Variants in CDC45 observed in about 807,000 individuals in gnomAD.
CDC45 encodes the protein cell division control protein 45 homolog.
A neutral mutation model predicts 77.8 loss-of-function variants in CDC45; 54 were observed. The observed-to-expected ratio is 0.69, with a 90% CI of 0.56 to 0.87. The LOEUF is 0.87. Among genes scored for constraint, CDC45 ranks in the 40% least tolerant of loss-of-function variants. The pLI is 0.00. For missense variants in CDC45, 649 were observed against 721.6 expected (o/e 0.90, Z 1.15); for synonymous variants, 260 against 272.1 (o/e 0.96, Z 0.44).
chr22:19,480,281 G>C, intron 2 of CDC45, 64 bp downstream of exon 2: 2 of 1,449,526 alleles, frequency 1.4e-6, no homozygotes, highest in Non-Finnish European at 1.9e-6. Flanking sequence ...GCGTGGGGGC[G>C]CAGGGCGGGC....
At chr22:19,493,580 A>C (rs975973757) in intron 5 of CDC45, among the ~76,000 whole-genome samples, 9 of 152,060 alleles carry the variant, frequency 5.9e-5, no homozygotes, top group African/African-American at 2.2e-4. Context: ...AGTAGCTGGG[A>C]TTACAGGCAT....
intron 5 of CDC45, among the ~76,000 whole-genome samples, chr22:19,487,120 C>G (rs2090081347): frequency 6.6e-6 from 1 of 151,718 alleles, no homozygotes; most frequent in Non-Finnish European, 1.5e-5. Flanking sequence ...ATGGAGAAAC[C>G]CTGTCTCTAC....
intron 9 of CDC45, among the ~76,000 whole-genome samples, chr22:19,504,119 A>G (rs1480072049): frequency 6.6e-6 from 1 of 152,176 alleles, no homozygotes; most frequent in African/African-American, 2.4e-5. Flanking sequence ...ACTCACCATA[A>G]TGTGTTATAG....
At chr22:19,517,265 C>T (rs1395544396) in intron 17 of CDC45, among the ~76,000 whole-genome samples, 1 of 152,202 alleles carries the variant, frequency 6.6e-6, no homozygotes, top group African/African-American at 2.4e-5. Context: ...ACAGCAGGGC[C>T]CGTGATGACC....
intron 10 of CDC45, among the ~76,000 whole-genome samples, chr22:19,507,124 C>T (rs1384939187): frequency 6.6e-6 from 1 of 152,152 alleles, no homozygotes; most frequent in South Asian, 2.1e-4. Context: ...GACCACAGCA[C>T]CTGGACTTTG....
chr22:19,495,366 T>C (rs1234913607), intron 6 of CDC45, among the ~76,000 whole-genome samples: 1 of 152,252 alleles, frequency 6.6e-6, no homozygotes, highest in Non-Finnish European at 1.5e-5. Flanking sequence ...GTGAATTACT[T>C]TGTGCACACA....
chr22:19,504,204 A>G (rs1042903267), intron 9 of CDC45, among the ~76,000 whole-genome samples: 1 of 152,266 alleles, frequency 6.6e-6, no homozygotes, highest in South Asian at 2.1e-4. Flanking sequence ...CAGCAGAGGA[A>G]GAGTTTCATG....
chr22:19,505,395 GCGCCACGTTTCC>G lies in CDC45; in HGVS notation c.745_756del (p.Val249_His252del), dbSNP rs1468753925. The G allele has an allele frequency of 6.2e-7, 1 of 1,614,002 alleles. No homozygotes were observed. The highest frequency in any genetic ancestry group is 2.2e-5 in the East Asian group (1 of 44,878). ...ACGTGACTGATGTTGGTGTCCTGCA[GCGCCACGTTTCC>G]CGCCACAACCACCGGAACGAGGATG... On this transcript the variant is annotated inframe_deletion, in exon 10 of 19. Transcript: ENST00000263201.
Position 19,516,956 on chromosome 22 carries a change from C to G in CDC45, c.1636+63C>G, listed in dbSNP as rs534228980. The G allele has an allele frequency of 3.7e-5, 51 of 1,387,460 alleles. No individual in the cohort carries two copies. The African/African-American group carries it at 6.2e-4, about 17-fold the overall frequency. 85.9% of individuals were successfully genotyped at this position (1,387,460 alleles called of 1,614,324 possible). On this transcript the variant is annotated intron_variant, in intron 17 of 18. Transcript: ENST00000263201. Reference sequence around the variant, plus strand: ...TGACCCTTTGAGGCTATTGCAGGCCCTGGAACCAAGCAAGTTGGCATGGCT... The same window carrying G: ...TGACCCTTTGAGGCTATTGCAGGCCGTGGAACCAAGCAAGTTGGCATGGCT...
intron 5 of CDC45, among the ~76,000 whole-genome samples, chr22:19,489,318 G>A (rs1352587017): frequency 1.3e-5 from 2 of 150,934 alleles, no homozygotes; most frequent in Non-Finnish European, 2.9e-5. Context: ...AATAACCCAT[G>A]GGTATTGCTT....
At position 19,517,045 on chromosome 22, in the gene CDC45, G is replaced by T. The variant is rs1266000311; in HGVS notation, c.1636+152G>T. 6.1e-6 allele frequency: 4 copies of T among 657,882 alleles called. No individual in the cohort carries two copies. In the South Asian group the frequency reaches 7.4e-5, roughly 12 times the overall value. The allele number at this position is 657,882 out of a possible 1,614,324, so 40.8% of individuals were successfully genotyped here. On this transcript the variant is annotated intron_variant, in intron 17 of 18. Transcript: ENST00000263201. ...CTGGCCCTGGGACAGGCTACTCCTGGTGGCTCAGGGAGCTCTGGTGAACCT... is the reference window on the plus strand; with the variant it reads ...CTGGCCCTGGGACAGGCTACTCCTGTTGGCTCAGGGAGCTCTGGTGAACCT...
In CDC45 at chr22:19,494,183, C is replaced by T; in HGVS notation, c.487-144C>T. ...CATGCCTCTCTTCCGTAGGAACAGG[C>T]TGTGCTCGGGGCACTGGTGTGACCG... On this transcript the variant is annotated intron_variant, in intron 5 of 18. Coordinates refer to ENST00000263201, the MANE Select transcript of CDC45 (RefSeq NM_003504.5). 5 of 707,896 alleles carry T rather than the reference C, an allele frequency of 7.1e-6. No individual in the cohort carries two copies. The South Asian group carries it at 8.2e-5, about 12-fold the overall frequency. 43.9% of individuals were successfully genotyped at this position (707,896 alleles called of 1,614,324 possible). A position where few individuals can be genotyped will look rare whatever the true frequency, so the allele number is the denominator to read the frequency against.
intron 17 of CDC45, among the ~76,000 whole-genome samples, chr22:19,517,963 T>C (rs1424501045): frequency 6.6e-6 from 1 of 152,198 alleles, no homozygotes; most frequent in Non-Finnish European, 1.5e-5. Flanking sequence ...TCAACAATGA[T>C]AGACACTGTC....
At position 19,516,657 on chromosome 22, in the gene CDC45, C is replaced by T. The variant is rs1328254027; in HGVS notation, c.1559+12C>T. The T allele has an allele frequency of 1.9e-6, 3 of 1,605,936 alleles. No homozygotes were observed. Among genetic ancestry groups the T allele is most frequent in the Admixed American group, 3.3e-5 (2 of 59,894 alleles). On this transcript the variant is annotated intron_variant, in intron 16 of 18. Coordinates refer to ENST00000263201, the MANE Select transcript of CDC45 (RefSeq NM_003504.5). ...TCGGACAGGAAGAAGTGAGCAGCTTCCACTCGTCCTGGGACTGGAGGGTCG... is the reference window on the plus strand; with the variant it reads ...TCGGACAGGAAGAAGTGAGCAGCTTTCACTCGTCCTGGGACTGGAGGGTCG...
rs746261836 is a variant in CDC45, at chr22:19,508,682, G to A, written c.1208G>A (p.Ser403Asn). 1 of 1,614,002 alleles carries A rather than the reference G, an allele frequency of 6.2e-7. No individual in the cohort carries two copies. Among genetic ancestry groups the A allele is most frequent in the Non-Finnish European group, 8.5e-7 (1 of 1,179,926 alleles). ...GTDHFIQALDSLSRSNLDKLY... is the reference protein window; with the variant it reads ...GTDHFIQALDNLSRSNLDKLY... ...GATCACTTCATCCAGGCTCTGGACA[G>A]CCTCTCCAGGTAGCAGGAGGGCTGT... The change falls in exon 13 of 19, where the codon AGC becomes AAC. Residue 403 changes from serine to asparagine, a missense_variant. By Grantham distance (46) the Ser-to-Asn change is conservative. Coordinates refer to ENST00000263201, the MANE Select transcript of CDC45 (RefSeq NM_003504.5).
At chr22:19,506,602 G>A (rs1024588538) in intron 10 of CDC45, among the ~76,000 whole-genome samples, 11 of 152,268 alleles carry the variant, frequency 7.2e-5, no homozygotes, top group South Asian at 2.1e-4. Context: ...TCACAACTGC[G>A]CTCACGGTGC....
At position 19,514,800 on chromosome 22, in the gene CDC45, G is replaced by A. The variant is rs1351128855; in HGVS notation, c.1269G>A (p.Leu423=). 3.7e-6 allele frequency: 6 copies of A among 1,614,110 alleles called. No individual in the cohort carries two copies. Among genetic ancestry groups the A allele is most frequent in the Middle Eastern group, 1.6e-4 (1 of 6,062 alleles). ...YHGLELAKKQ[L]RATQQTIASC... ...GCCTGGAACTCGCCAAGAAGCAGCTGCGAGCCACCCAGCAGACCATTGCCA... is the reference window on the plus strand; with the variant it reads ...GCCTGGAACTCGCCAAGAAGCAGCTACGAGCCACCCAGCAGACCATTGCCA... Residue 423 remains leucine, a synonymous_variant, in exon 14 of 19, where the codon CTG becomes CTA. Coordinates refer to ENST00000263201, the MANE Select transcript of CDC45 (RefSeq NM_003504.5).
chr22:19,515,105 T>A (rs1933711189), intron 15 of CDC45, 57 bp downstream of exon 15: 16 of 1,483,206 alleles, frequency 1.1e-5, no homozygotes, highest in Non-Finnish European at 1.4e-5. Flanking sequence ...GAGAGCTCCC[T>A]GGATGGGGAG....
chr22:19,504,940 T>A (rs552438353), intron 9 of CDC45: 62 of 189,080 alleles, frequency 3.3e-4, no homozygotes, highest in African/African-American at 1.4e-3. Flanking sequence ...ACCTAGTGAC[T>A]GATGCTGATG....
Sources: allele counts gnomAD v4.1 joint callset (sites outside exome capture counted in the v4.1 genomes callset), GRCh38; gene constraint gnomAD v4.1.1; transcripts MANE v1.5; gene names NCBI Gene and HGNC (gene_info 2026-07-23, HGNC 2026-07-21).